PECAM1: variants seen among roughly 807,000 people sequenced by gnomAD.
The protein encoded by PECAM1 is platelet endothelial cell adhesion molecule.
Under a neutral mutation model 13.8 loss-of-function variants are expected in PECAM1, and 8 were observed. The observed-to-expected ratio is 0.58, with a 90% CI of 0.34 to 1.05. PECAM1 has a LOEUF of 1.05. PECAM1 is among the 50% of genes least tolerant of loss of function. The probability of loss-of-function intolerance (pLI) is 0.03; values close to 1 mark genes in which losing one functional copy is unlikely to be tolerated. For synonymous variants in PECAM1, 136 were observed against 52.6 expected (o/e 2.58, Z -6.86); for missense variants, 304 against 141.2 (o/e 2.15, Z -5.84).
intron 13 of PECAM1, among the ~76,000 whole-genome samples, chr17:64,342,968 C>T (rs1169119532): frequency 6.6e-6 from 1 of 152,148 alleles, no homozygotes; most frequent in Non-Finnish European, 1.5e-5. Flanking sequence ...AGGGTGTGCA[C>T]ACACATACAT....
chr17:64,335,751 C>A (rs1215521312), intron 14 of PECAM1, among the ~76,000 whole-genome samples: 2 of 152,162 alleles, frequency 1.3e-5, no homozygotes, highest in African/African-American at 4.8e-5. Flanking sequence ...CTCCAAGTGT[C>A]TCACACAGAG....
intron 13 of PECAM1, among the ~76,000 whole-genome samples, chr17:64,347,269 GCA>G (rs2035590886): frequency 6.6e-6 from 1 of 151,962 alleles, no homozygotes; most frequent in Admixed American, 6.6e-5. Flanking sequence ...TGTAATCCCA[GCA>G]CTTTGGGAGG....
chr17:64,336,895 G>GGA (rs869277301), intron 14 of PECAM1, among the ~76,000 whole-genome samples: 5 of 83,996 alleles, frequency 6.0e-5, no homozygotes, highest in South Asian at 4.5e-4. Context: ...AAGGAAGGAA[G>GGA]GAGAGAGAGA....
At chr17:64,332,378 G>A (rs8075099) in intron 14 of PECAM1, among the ~76,000 whole-genome samples, 2,109 of 152,156 alleles carry the variant, frequency 0.014, 50 homozygotes, top group African/African-American at 0.048. Flanking sequence ...TCCCAACAGC[G>A]AAAGAACCTC....
chr17:64,376,372 T>A (rs1189588919), intron 3 of PECAM1, among the ~76,000 whole-genome samples: 2 of 152,120 alleles, frequency 1.3e-5, no homozygotes, highest in Non-Finnish European at 2.9e-5. Context: ...AAGATGTACT[T>A]GGTGTTTTCA....
intron 14 of PECAM1, among the ~76,000 whole-genome samples, chr17:64,331,723 C>A (rs2035126398): frequency 6.6e-6 from 1 of 152,256 alleles, no homozygotes; most frequent in Non-Finnish European, 1.5e-5. Flanking sequence ...ACCAGGACCC[C>A]ACCCAATGGT....
At chr17:64,336,764 G>A (rs1218185283) in intron 14 of PECAM1, among the ~76,000 whole-genome samples, 9 of 151,624 alleles carry the variant, frequency 5.9e-5, no homozygotes, top group Non-Finnish European at 1.2e-4. Flanking sequence ...AGGCTGAGGC[G>A]GGAGGATCGC....
At chr17:64,381,109 A>G (rs1223975966) in intron 2 of PECAM1, among the ~76,000 whole-genome samples, 1 of 152,196 alleles carries the variant, frequency 6.6e-6, no homozygotes, top group Admixed American at 6.6e-5. Flanking sequence ...GCAAGCTATT[A>G]AATGGTCTTT....
At chr17:64,341,463 G>A (rs1031770564) in intron 14 of PECAM1, among the ~76,000 whole-genome samples, 171 bp downstream of exon 14, 80 of 152,242 alleles carry the variant, frequency 5.3e-4, no homozygotes, top group Non-Finnish European at 6.9e-4. Context: ...AATGTGACCC[G>A]AGGTGACTTT....
At chr17:64,369,610 A>T in intron 5 of PECAM1, 140 bp downstream of exon 5, 1 of 397,114 alleles carries the variant, frequency 2.5e-6, no homozygotes, top group South Asian at 1.4e-4. Flanking sequence ...TCCCACGAGC[A>T]CCAAAGCCCC....
At position 64,323,034 on chromosome 17, in the gene PECAM1, G is replaced by A; in HGVS notation, c.*782C>T. 1.0e-6 allele frequency: 1 copy of A among 984,690 alleles called. No homozygotes were observed. Among genetic ancestry groups the A allele is most frequent in the Non-Finnish European group, 1.2e-6 (1 of 829,268 alleles). The allele number at this position is 984,690 out of a possible 1,614,324, so 61.0% of individuals were successfully genotyped here. A position where few individuals can be genotyped will look rare whatever the true frequency, so the allele number is the denominator to read the frequency against. On this transcript the variant is annotated 3_prime_UTR_variant, in exon 16 of 16. Transcript: ENST00000563924. ...GCAAGGAATACATTTTTAAAAATTA[G>A]TAAGAAACATACACATTTCAAGTTT...
At chr17:64,366,646 A>T (rs1446887858) in intron 5 of PECAM1, among the ~76,000 whole-genome samples, 2 of 152,068 alleles carry the variant, frequency 1.3e-5, no homozygotes, top group Non-Finnish European at 2.9e-5. Flanking sequence ...ATGCAGCCAT[A>T]AAAAACGATG....
At chr17:64,339,170 G>A (rs2035363078) in intron 14 of PECAM1, among the ~76,000 whole-genome samples, 1 of 152,098 alleles carries the variant, frequency 6.6e-6, no homozygotes, top group South Asian at 2.1e-4. Flanking sequence ...CTCCTGCAGC[G>A]AGGATCCCTG....
chr17:64,382,279 T>C (rs1168686395), intron 2 of PECAM1, among the ~76,000 whole-genome samples: 22 of 152,296 alleles, frequency 1.4e-4, no homozygotes, highest in African/African-American at 5.1e-4. Context: ...AACCAGGAGA[T>C]ACTAAAGAGC....
At chr17:64,334,735 C>G (rs1181861321) in intron 14 of PECAM1, among the ~76,000 whole-genome samples, 4 of 152,266 alleles carry the variant, frequency 2.6e-5, no homozygotes, top group Admixed American at 2.6e-4. Flanking sequence ...TCTCGATCTC[C>G]TGACCTCATG....
At chr17:64,385,827 C>T (rs924890735) in intron 2 of PECAM1, among the ~76,000 whole-genome samples, 1 of 152,118 alleles carries the variant, frequency 6.6e-6, no homozygotes, top group Non-Finnish European at 1.5e-5. Flanking sequence ...TCCCAGGACA[C>T]GAGGGTGTGA....
intron 14 of PECAM1, among the ~76,000 whole-genome samples, chr17:64,333,140 A>G (rs1468163000): frequency 6.6e-6 from 1 of 152,188 alleles, no homozygotes; most frequent in African/African-American, 2.4e-5. Context: ...GTGACAGAGC[A>G]AGACTTAGTC....
chr17:64,341,918 G>A (rs919923119), intron 13 of PECAM1, among the ~76,000 whole-genome samples: 1 of 152,102 alleles, frequency 6.6e-6, no homozygotes, highest in Non-Finnish European at 1.5e-5. Flanking sequence ...GGGAGGGTGA[G>A]GGGGGCAGAT....
chr17:64,335,658 T>C (rs1326059855), intron 14 of PECAM1, among the ~76,000 whole-genome samples: 1 of 152,188 alleles, frequency 6.6e-6, no homozygotes, highest in African/African-American at 2.4e-5. Context: ...AGTTAACCTC[T>C]GGGCCCGTTT....
Sources: gnomAD v4.1 joint callset for allele counts (sites outside exome capture counted in the v4.1 genomes callset) on GRCh38, gnomAD v4.1.1 for gene constraint, MANE v1.5 for transcripts, NCBI Gene and HGNC (gene_info 2026-07-23, HGNC 2026-07-21) for gene names.